Variants in RYR3 observed in about 807,000 individuals in gnomAD.
The protein encoded by RYR3 is brain ryanodine receptor-calcium release channel.
A neutral mutation model predicts 584.3 loss-of-function variants in RYR3; 207 were observed. The ratio of observed to expected loss-of-function variants is 0.35; its 90% CI spans 0.32 to 0.40. RYR3 has a LOEUF of 0.40. Ranked by LOEUF, RYR3 falls within the 10% of genes least tolerant of loss-of-function variation. RYR3 has a pLI of 1.00. For synonymous variants in RYR3, 2,416 were observed against 2,248.5 expected (o/e 1.07, Z -2.11); for missense variants, 5,616 against 6,089.2 (o/e 0.92, Z 2.59).
intron 1 of RYR3, among the ~76,000 whole-genome samples, chr15:33,383,381 A>T (rs2041344178): frequency 1.3e-5 from 2 of 150,742 alleles, no homozygotes; most frequent in African/African-American, 4.9e-5. Context: ...CACTTCGGTG[A>T]TATGTCATAT....
At chr15:33,794,335 T>TAACATATATA (rs1182416961) in intron 67 of RYR3, among the ~76,000 whole-genome samples, 1 of 30,096 alleles carries the variant, frequency 3.3e-5, no homozygotes, top group East Asian at 0.019. Context: ...TTATATATGT[T>TAACATATATA]TATATATATA....
At chr15:33,574,169 G>A (rs552505968) in intron 12 of RYR3, among the ~76,000 whole-genome samples, 1 of 152,238 alleles carries the variant, frequency 6.6e-6, no homozygotes, top group Admixed American at 6.5e-5. Flanking sequence ...CTCCCTGTGT[G>A]GTGCATTTGC....
At chr15:33,764,022 G>A (rs974479708) in intron 60 of RYR3, among the ~76,000 whole-genome samples, 4 of 151,822 alleles carry the variant, frequency 2.6e-5, no homozygotes, top group African/African-American at 7.3e-5. Context: ...ACAGTGTGGC[G>A]ATTCTTCAAG....
intron 19 of RYR3, 39 bp from the exon 20 acceptor site, chr15:33,623,768 T>C: frequency 7.1e-7 from 1 of 1,405,446 alleles, no homozygotes; most frequent in Non-Finnish European, 1.0e-6. Context: ...GCATTGTTTT[T>C]TTTTTAACCT....
intron 1 of RYR3, among the ~76,000 whole-genome samples, chr15:33,374,869 C>T (rs146332862): frequency 1.7e-3 from 252 of 152,270 alleles, no homozygotes; most frequent in Non-Finnish European, 3.1e-3. Context: ...GGGCTTTACC[C>T]AGGGCAAATC....
chr15:33,588,866 A>G (rs1408385750), intron 16 of RYR3, among the ~76,000 whole-genome samples: 2 of 152,136 alleles, frequency 1.3e-5, no homozygotes, highest in African/African-American at 2.4e-5. Context: ...ATTGATGGAT[A>G]TGTACGTTCG....
intron 1 of RYR3, among the ~76,000 whole-genome samples, chr15:33,432,378 C>A (rs1477266953): frequency 6.6e-6 from 1 of 151,918 alleles, no homozygotes; most frequent in Non-Finnish European, 1.5e-5. Context: ...TGTTAACCTG[C>A]CAGCCCTCAC....
chr15:33,691,141 C>T (rs12439780), intron 38 of RYR3, among the ~76,000 whole-genome samples: 46,103 of 152,048 alleles, frequency 0.3, 8,066 homozygotes, highest in Non-Finnish European at 0.4. Context: ...AGTTAGTTGG[C>T]ATGTGGAATC....
At chr15:33,448,843 G>A (rs1596188180) in intron 1 of RYR3, among the ~76,000 whole-genome samples, 1 of 152,034 alleles carries the variant, frequency 6.6e-6, no homozygotes, top group Non-Finnish European at 1.5e-5. Flanking sequence ...GCTCTGTCTC[G>A]GTTGCCCCTT....
intron 18 of RYR3, among the ~76,000 whole-genome samples, chr15:33,611,276 G>C (rs2060171304): frequency 6.6e-6 from 1 of 152,158 alleles, no homozygotes; most frequent in Admixed American, 6.5e-5. Flanking sequence ...TGTGTGTGGG[G>C]CTGGGCGCGG....
intron 1 of RYR3, among the ~76,000 whole-genome samples, chr15:33,415,969 C>A (rs192161354): frequency 3.9e-5 from 6 of 152,234 alleles, no homozygotes; most frequent in African/African-American, 9.6e-5. Flanking sequence ...GTTTCTGTTT[C>A]TGTGTTAATT....
chr15:33,816,006 C>T (rs1031235736), intron 74 of RYR3: 4 of 396,882 alleles, frequency 1.0e-5, no homozygotes, highest in South Asian at 2.7e-4. Context: ...TTAACGTTAC[C>T]ATAAGAACAC....
intron 11 of RYR3, among the ~76,000 whole-genome samples, chr15:33,564,372 G>A (rs2057581951): frequency 6.6e-6 from 1 of 152,196 alleles, no homozygotes; most frequent in South Asian, 2.1e-4. Flanking sequence ...GAGTACTAGG[G>A]ATATACAAGT....
At chr15:33,428,482 A>C (rs1273023831) in intron 1 of RYR3, among the ~76,000 whole-genome samples, 1 of 152,214 alleles carries the variant, frequency 6.6e-6, no homozygotes, top group African/African-American at 2.4e-5. Flanking sequence ...CTTGTTGGAC[A>C]GATAATAAAA....
At chr15:33,791,995 G>C (rs1190766282) in intron 67 of RYR3, among the ~76,000 whole-genome samples, 5 of 152,068 alleles carry the variant, frequency 3.3e-5, no homozygotes, top group Non-Finnish European at 7.4e-5. Context: ...AATGACCATG[G>C]GATTGCATAC....
At chr15:33,448,610 A>T (rs1343599740) in intron 1 of RYR3, among the ~76,000 whole-genome samples, 3 of 152,260 alleles carry the variant, frequency 2.0e-5, no homozygotes, top group African/African-American at 7.2e-5. Context: ...GATGGTGACA[A>T]AGTAATGATG....
At chr15:33,763,517 C>T (rs2072697794) in intron 60 of RYR3, among the ~76,000 whole-genome samples, 2 of 152,236 alleles carry the variant, frequency 1.3e-5, no homozygotes, top group African/African-American at 4.8e-5. Context: ...ATGAAAAAAG[C>T]TCATCATCAC....
chr15:33,765,405 G>A lies in RYR3; in HGVS notation c.8706-3253G>A, dbSNP rs185071537. 3.7e-3 allele frequency among the ~76,000 whole-genome samples: 558 copies of A among 152,236 alleles called. 7 individuals carry two copies. The highest frequency in any genetic ancestry group is 0.012 in the African/African-American group (515 of 41,546). On this transcript the variant is annotated intron_variant, in intron 60 of 103. Coordinates refer to ENST00000634891, the MANE Select transcript of RYR3 (RefSeq NM_001036.6). ...CCCAGCACTTTGGGAGGCCAAGGCA[G>A]GCGGATCATCTGAGGTCAGGAGTTC...
In RYR3 at chr15:33,813,513, T is replaced by C. The variant is rs1228438995; in HGVS notation, c.10436T>C (p.Leu3479Ser). The part of the protein sequence containing the change: ...RSKKAVWHKL[L>S]SKQRKRAVVA... ...AAGAAGGCCGTCTGGCACAAACTGT[T>C]ATCAAAGCAACGGAAACGGGCAGTG... Residue 3479 changes from leucine to serine, a missense_variant, in exon 74 of 104, where the codon TTA becomes TCA. This residue lies in a region of RYR3 where 954 missense variants were observed against 1,132.2 expected (regional missense o/e 0.84). Transcript: ENST00000634891. The C allele has an allele frequency of 6.2e-7, 1 of 1,613,960 alleles. No homozygotes were observed. Among genetic ancestry groups the C allele is most frequent in the Non-Finnish European group, 8.5e-7 (1 of 1,179,888 alleles).
Sources: gnomAD v4.1 joint callset for allele counts (sites outside exome capture counted in the v4.1 genomes callset) on GRCh38, gnomAD v4.1.1 for gene constraint, gnomAD v4.1.1 regional missense constraint, MANE v1.5 for transcripts, NCBI Gene and HGNC (gene_info 2026-07-23, HGNC 2026-07-21) for gene names.